The following LRRC37A2 variants were observed in gnomAD, a reference collection of about 807,000 sequenced individuals.
The protein encoded by LRRC37A2 is leucine-rich repeat-containing protein 37A2.
Under a neutral mutation model 68.8 loss-of-function variants are expected in LRRC37A2, and 9 were observed. That is an observed-to-expected ratio of 0.13 (90% CI 0.08 to 0.23). LRRC37A2 has a LOEUF of 0.23. Among genes scored for constraint, LRRC37A2 ranks in the 10% least tolerant of loss-of-function variants. The probability of loss-of-function intolerance (pLI) is 1.00; values close to 1 mark genes in which losing one functional copy is unlikely to be tolerated. For missense variants in LRRC37A2, 168 were observed against 950.4 expected (o/e 0.18, Z 10.82); for synonymous variants, 63 against 367.6 (o/e 0.17, Z 9.48).
chr17:46,908,139 T>A, the LRRC37A2 span, among the ~76,000 whole-genome samples: 1 of 152,050 alleles, frequency 6.6e-6, no homozygotes, highest in Non-Finnish European at 1.5e-5. Flanking sequence ...TGACGCTTCA[T>A]GATAGATGAG....
the LRRC37A2 span, among the ~76,000 whole-genome samples, chr17:46,990,193 G>A: frequency 3.9e-5 from 6 of 152,150 alleles, no homozygotes; most frequent in Non-Finnish European, 7.4e-5. Flanking sequence ...GGCAGAAAGG[G>A]TGAAGTCCCA....
chr17:46,731,809 C>A, the LRRC37A2 span, among the ~76,000 whole-genome samples: 5 of 152,150 alleles, frequency 3.3e-5, no homozygotes, highest in Admixed American at 6.5e-5. Flanking sequence ...TGCCAGATTA[C>A]CTGCAGTATA....
At chr17:46,890,742 A>G in the LRRC37A2 span, among the ~76,000 whole-genome samples, 1 of 152,186 alleles carries the variant, frequency 6.6e-6, no homozygotes, top group Non-Finnish European at 1.5e-5. Context: ...AGCTCCAAGG[A>G]TCTCACCAGC....
At chr17:46,925,305 C>T in the LRRC37A2 span, among the ~76,000 whole-genome samples, 2 of 152,164 alleles carry the variant, frequency 1.3e-5, no homozygotes, top group Admixed American at 6.5e-5. Flanking sequence ...AGCTTTGCCC[C>T]ACAACTATTA....
chr17:47,014,434 C>A, the LRRC37A2 span, among the ~76,000 whole-genome samples: 1 of 151,594 alleles, frequency 6.6e-6, no homozygotes, highest in Non-Finnish European at 1.5e-5. Context: ...ACTCAAGGGT[C>A]GGATAACATA....
the LRRC37A2 span, chr17:46,773,550 C>T: frequency 8.2e-7 from 1 of 1,214,122 alleles, no homozygotes; most frequent in Non-Finnish European, 1.1e-6. Context: ...AAATTTATCA[C>T]CCTCCCAGAG....
chr17:46,833,272 G>A, the LRRC37A2 span: 7 of 467,008 alleles, frequency 1.5e-5, no homozygotes, highest in African/African-American at 1.2e-4. Context: ...CTCCCTGGGT[G>A]ATGGCTCCTT....
chr17:46,933,257 G>A, the LRRC37A2 span: 2 of 152,202 alleles, frequency 1.3e-5, no homozygotes, highest in Non-Finnish European at 2.9e-5. Flanking sequence ...ACATTGACTT[G>A]CCAGATGAAA....
the LRRC37A2 span, among the ~76,000 whole-genome samples, chr17:46,874,143 G>A: frequency 6.6e-6 from 1 of 152,174 alleles, no homozygotes; most frequent in Non-Finnish European, 1.5e-5. Flanking sequence ...GGGCAGGCAG[G>A]AAGTAGTGAG....
At chr17:46,977,262 T>C in the LRRC37A2 span, among the ~76,000 whole-genome samples, 1 of 152,216 alleles carries the variant, frequency 6.6e-6, no homozygotes, top group Non-Finnish European at 1.5e-5. Context: ...TTCCTCGTTA[T>C]TCTTCACTCC....
chr17:46,708,195 T>C, the LRRC37A2 span, among the ~76,000 whole-genome samples: 1 of 152,196 alleles, frequency 6.6e-6, no homozygotes, highest in Non-Finnish European at 1.5e-5. Context: ...TTTAGTTCTT[T>C]CGGGTATATA....
At chr17:46,752,260 C>T in the LRRC37A2 span, among the ~76,000 whole-genome samples, 2 of 152,142 alleles carry the variant, frequency 1.3e-5, no homozygotes, top group Admixed American at 6.5e-5. Flanking sequence ...CTCCTGGCAA[C>T]TTACCTTTCT....
chr17:46,893,215 T>C, the LRRC37A2 span, among the ~76,000 whole-genome samples: 1 of 152,232 alleles, frequency 6.6e-6, no homozygotes, highest in Non-Finnish European at 1.5e-5. Flanking sequence ...ATTACAGGCA[T>C]GAGCCACCGC....
the LRRC37A2 span, among the ~76,000 whole-genome samples, chr17:46,880,429 T>C: frequency 6.6e-6 from 1 of 152,214 alleles, no homozygotes; most frequent in African/African-American, 2.4e-5. Context: ...TAGGGATCTC[T>C]TATTGAGCAC....
the LRRC37A2 span, among the ~76,000 whole-genome samples, chr17:46,750,726 G>A: frequency 6.6e-6 from 1 of 152,252 alleles, no homozygotes; most frequent in African/African-American, 2.4e-5. Context: ...AAACTTGAAT[G>A]GGTGGTGGTG....
chr17:46,925,773 A>G, the LRRC37A2 span, among the ~76,000 whole-genome samples: 1 of 152,218 alleles, frequency 6.6e-6, no homozygotes, highest in Non-Finnish European at 1.5e-5. Context: ...GTCACTGAAT[A>G]CATTGAGTAC....
At chr17:46,932,263 T>C in the LRRC37A2 span, 1 of 1,589,040 alleles carries the variant, frequency 6.3e-7, no homozygotes, top group Non-Finnish European at 8.6e-7. Flanking sequence ...GGAGTTCAGA[T>C]CTCTGAGCGC....
chr17:46,863,639 A>T, the LRRC37A2 span, among the ~76,000 whole-genome samples: 148 of 152,328 alleles, frequency 9.7e-4, no homozygotes, highest in Middle Eastern at 3.4e-3. Flanking sequence ...ATCAAATGTT[A>T]AAAAAGGACA....
At chr17:46,780,783 A>G in the LRRC37A2 span, among the ~76,000 whole-genome samples, 4 of 151,790 alleles carry the variant, frequency 2.6e-5, no homozygotes, top group African/African-American at 9.7e-5. Flanking sequence ...TTTCAAAAAA[A>G]AAGGAAAGAA....
Sources: gnomAD v4.1 joint callset for allele counts (sites outside exome capture counted in the v4.1 genomes callset) on GRCh38, gnomAD v4.1.1 for gene constraint, MANE v1.5 for transcripts, NCBI Gene and HGNC (gene_info 2026-07-23, HGNC 2026-07-21) for gene names.